Variants in INSYN2B observed in about 807,000 individuals in gnomAD.
INSYN2B encodes the protein protein INSYN2B.
In INSYN2B, 16 loss-of-function variants were observed where a neutral mutation model predicts 41.2. That is an observed-to-expected ratio of 0.39 (90% CI 0.26 to 0.59). The LOEUF is 0.59. Ranked by LOEUF, INSYN2B falls within the 20% of genes least tolerant of loss-of-function variation. INSYN2B has a pLI of 0.57. For synonymous variants in INSYN2B, 245 were observed against 244.4 expected, an observed-to-expected ratio of 1.00 and a Z score of -0.02; for missense variants, 608 against 646.4, an observed-to-expected ratio of 0.94 and a Z score of 0.64.
At chr5:169,957,792 C>T (rs1271850316) in intron 1 of INSYN2B, among the ~76,000 whole-genome samples, 2 of 152,208 alleles carry the variant, frequency 1.3e-5, no homozygotes, top group African/African-American at 4.8e-5. Flanking sequence ...GCTGGTAGAG[C>T]TCCATGTACT....
chr5:169,928,834 C>T (rs377669202), intron 1 of INSYN2B, among the ~76,000 whole-genome samples: 1 of 152,208 alleles, frequency 6.6e-6, no homozygotes, highest in African/African-American at 2.4e-5. Flanking sequence ...CAAGTAATTA[C>T]TCAGTGATGA....
chr5:169,977,387 G>A (rs543667462), intron 1 of INSYN2B, among the ~76,000 whole-genome samples: 1 of 152,196 alleles, frequency 6.6e-6, no homozygotes, highest in Non-Finnish European at 1.5e-5. Flanking sequence ...AATCTGCATA[G>A]CTTCTCTGGA....
chr5:169,952,252 TA>T (rs1323779761), intron 1 of INSYN2B, among the ~76,000 whole-genome samples: 1 of 152,212 alleles, frequency 6.6e-6, no homozygotes, highest in Non-Finnish European at 1.5e-5. Context: ...ACCTGTTTTT[TA>T]TTCTATCAAC....
chr5:169,939,722 T>A (rs1776156064), intron 1 of INSYN2B, among the ~76,000 whole-genome samples: 2 of 152,194 alleles, frequency 1.3e-5, no homozygotes, highest in Non-Finnish European at 2.9e-5. Context: ...TATATATATG[T>A]TTTCATATAA....
At chr5:169,930,424 A>G (rs1775695284) in intron 1 of INSYN2B, among the ~76,000 whole-genome samples, 1 of 152,146 alleles carries the variant, frequency 6.6e-6, no homozygotes, top group East Asian at 1.9e-4. Flanking sequence ...TCTTAGGGTA[A>G]TGTGTGTCCT....
intron 1 of INSYN2B, among the ~76,000 whole-genome samples, chr5:169,968,237 G>A (rs1452223152): frequency 2.6e-5 from 4 of 152,202 alleles, no homozygotes; most frequent in African/African-American, 9.6e-5. Context: ...AAGGCATTCA[G>A]CTAAGCTTCA....
intron 1 of INSYN2B, among the ~76,000 whole-genome samples, chr5:169,960,559 T>TGGAATGGA (rs1259289692): frequency 6.6e-6 from 1 of 152,154 alleles, no homozygotes; most frequent in Non-Finnish European, 1.5e-5. Context: ...GTTTTCAAGG[T>TGGAATGGA]GGATTGGAGG....
intron 1 of INSYN2B, among the ~76,000 whole-genome samples, chr5:169,936,187 A>G (rs1309467724): frequency 6.6e-6 from 1 of 152,250 alleles, no homozygotes; most frequent in Non-Finnish European, 1.5e-5. Context: ...GACTACACAC[A>G]GAATTAATCC....
chr5:169,943,554 C>T (rs527466481), intron 1 of INSYN2B, among the ~76,000 whole-genome samples: 4 of 152,240 alleles, frequency 2.6e-5, no homozygotes, highest in African/African-American at 9.6e-5. Context: ...GGAGAGTTGC[C>T]GTTTTCACAA....
intron 1 of INSYN2B, among the ~76,000 whole-genome samples, chr5:169,925,315 G>A (rs1219454043): frequency 2.6e-5 from 4 of 152,114 alleles, no homozygotes; most frequent in Non-Finnish European, 5.9e-5. Context: ...GGACAGATGG[G>A]TCCTGGTAAG....
chr5:169,934,689 A>G, intron 1 of INSYN2B: 1 of 456,270 alleles, frequency 2.2e-6, no homozygotes, highest in Admixed American at 2.3e-5. Context: ...ATTGGGTGCT[A>G]CGGAGTATTA....
At chr5:169,898,029 C>T (rs1773711866) in intron 1 of INSYN2B, among the ~76,000 whole-genome samples, 1 of 152,306 alleles carries the variant, frequency 6.6e-6, no homozygotes, top group South Asian at 2.1e-4. Flanking sequence ...GGAAATAATT[C>T]GGCTGAGCAA....
intron 1 of INSYN2B, among the ~76,000 whole-genome samples, chr5:169,971,507 G>A (rs1777509057): frequency 6.7e-6 from 1 of 148,620 alleles, no homozygotes; most frequent in African/African-American, 2.5e-5. Context: ...TCATTAATGT[G>A]AAACCTTGGA....
chr5:169,936,019 A>G (rs1167857233), intron 1 of INSYN2B, among the ~76,000 whole-genome samples: 1 of 152,162 alleles, frequency 6.6e-6, no homozygotes, highest in African/African-American at 2.4e-5. Context: ...GGGAGGTGGC[A>G]TGGCGGTGGG....
At chr5:169,978,110 C>T (rs1400211639) in intron 1 of INSYN2B, among the ~76,000 whole-genome samples, 2 of 151,968 alleles carry the variant, frequency 1.3e-5, no homozygotes, top group African/African-American at 2.4e-5. Flanking sequence ...TTTGGTCGTG[C>T]GCATTATTTG....
At chr5:169,949,258 A>G (rs1776564876) in intron 1 of INSYN2B, among the ~76,000 whole-genome samples, 1 of 152,214 alleles carries the variant, frequency 6.6e-6, no homozygotes, top group Non-Finnish European at 1.5e-5. Flanking sequence ...TCCATTGAAG[A>G]TACAATCCTT....
At chr5:169,940,233 C>A (rs1423435908) in intron 1 of INSYN2B, among the ~76,000 whole-genome samples, 1 of 152,188 alleles carries the variant, frequency 6.6e-6, no homozygotes, top group Non-Finnish European at 1.5e-5. Context: ...AGTTGGTGGT[C>A]TTTATGGAGT....
chr5:169,875,324 A>C (rs763279379), intron 3 of INSYN2B: 31 of 456,604 alleles, frequency 6.8e-5, no homozygotes, highest in South Asian at 4.5e-4. Flanking sequence ...ATAGACACCC[A>C]GGAGGTTCCG....
intron 1 of INSYN2B, among the ~76,000 whole-genome samples, chr5:169,941,855 A>G (rs1429596243): frequency 1.3e-5 from 2 of 152,154 alleles, no homozygotes; most frequent in African/African-American, 4.8e-5. Context: ...GGGGCTGCCA[A>G]TTTTGGTTTG....
Sources: gnomAD v4.1 joint callset for allele counts (sites outside exome capture counted in the v4.1 genomes callset) on GRCh38, gnomAD v4.1.1 for gene constraint, MANE v1.5 for transcripts, NCBI Gene and HGNC (gene_info 2026-07-23, HGNC 2026-07-21) for gene names.